MTMR1: variants seen among roughly 807,000 people sequenced by gnomAD.
MTMR1 encodes the protein myotubularin related protein 1.
A neutral mutation model predicts 51.6 loss-of-function variants in MTMR1; 17 were observed. The observed-to-expected ratio is 0.33, with a 90% CI of 0.23 to 0.49. The LOEUF (loss-of-function observed/expected upper bound fraction) is 0.49, where lower values mean the gene tolerates loss of function less well. Among genes scored for constraint, MTMR1 ranks in the 20% least tolerant of loss-of-function variants. The pLI, the probability that MTMR1 is intolerant of heterozygous loss-of-function variation, is 0.99. For missense variants in MTMR1, 386 were observed against 526.9 expected (o/e 0.73, Z 2.62); for synonymous variants, 201 against 205.6 (o/e 0.98, Z 0.19).
rs1170788477 is a variant in MTMR1, at chrX:150,698,676, G to GCACACACA, written c.147-518_147-517insACACACAC. On this transcript the variant is annotated intron_variant, in intron 1 of 15. Transcript: ENST00000445323. ...ACATGGCAAAACCCTGTCTACACGCGCGCGCACACACACACACACACACAC... is the reference window on the plus strand; with the variant it reads ...ACATGGCAAAACCCTGTCTACACGCGCACACACACGCGCACACACACACACACACACAC... Among the ~76,000 whole-genome samples, 287 of 53,041 alleles carry GCACACACA rather than the reference G, an allele frequency of 5.4e-3. 2 individuals carry two copies. Among genetic ancestry groups the GCACACACA allele is most frequent in the African/African-American group, 0.019 (246 of 13,087 alleles). The allele number at this position is 53,041 out of a possible 115,157, so 46.1% of individuals were successfully genotyped here. A position where few individuals can be genotyped will look rare whatever the true frequency, so the allele number is the denominator to read the frequency against.
chrX:150,736,310 C>T, intron 10 of MTMR1: 1 of 233,743 alleles, frequency 4.3e-6, no homozygotes, highest in Non-Finnish European at 7.7e-6. Flanking sequence ...CCTGGGGCAG[C>T]CAAGGAAGGA....
chrX:150,740,277 GC>G (rs782248194), intron 12 of MTMR1, among the ~76,000 whole-genome samples: 1 of 111,082 alleles, frequency 9.0e-6, no homozygotes, highest in Non-Finnish European at 1.9e-5. Context: ...CACAATGCCC[GC>G]CCCCCCACAA....
Position 150,707,052 on chromosome X carries a change from AAAAAC to A in MTMR1, c.253-5269_253-5265del, listed in dbSNP as rs200814584. Among the ~76,000 whole-genome samples the A allele has an allele frequency of 4.7e-3, 528 of 111,420 alleles. 4 individuals carry two copies. The highest frequency in any genetic ancestry group is 0.015 in the African/African-American group (458 of 30,626). On this transcript the variant is annotated intron_variant, in intron 2 of 15. Coordinates refer to ENST00000445323, the MANE Select transcript of MTMR1 (RefSeq NM_001306144.3). Reference sequence around the variant, plus strand: ...GGAGTAATTGGACATCTATAGACAAAAAAACAAAACAAAACAAAACAAAACCTTGA... The same window carrying A: ...GGAGTAATTGGACATCTATAGACAAAAAAACAAAACAAAACAAAACCTTGA...
chrX:150,758,876 G>T (rs1278230476), intron 15 of MTMR1, among the ~76,000 whole-genome samples: 1 of 111,375 alleles, frequency 9.0e-6, no homozygotes, highest in African/African-American at 3.3e-5. Flanking sequence ...GTTATTAATT[G>T]ATCTTTAAGT....
At chrX:150,745,072 A>G (rs1420520099) in intron 13 of MTMR1, among the ~76,000 whole-genome samples, 3 of 112,695 alleles carry the variant, frequency 2.7e-5, no homozygotes, top group Non-Finnish European at 5.6e-5. Flanking sequence ...CTTCAGTTCA[A>G]AGTAGGCCAT....
intron 2 of MTMR1, among the ~76,000 whole-genome samples, chrX:150,707,675 A>G (rs1557416101): frequency 2.7e-5 from 3 of 112,572 alleles, no homozygotes; most frequent in East Asian, 5.6e-4. Context: ...AGTTTCTTAA[A>G]AATGAAATGT....
chrX:150,725,756 A>C (rs2041902725), intron 4 of MTMR1, among the ~76,000 whole-genome samples: 1 of 111,647 alleles, frequency 9.0e-6, no homozygotes, highest in Non-Finnish European at 1.9e-5. Flanking sequence ...TTATCTTTTA[A>C]GGATAATGAT....
chrX:150,697,637 G>A (rs1460620355), intron 1 of MTMR1, among the ~76,000 whole-genome samples: 2 of 111,537 alleles, frequency 1.8e-5, no homozygotes, highest in East Asian at 2.8e-4. Flanking sequence ...GGTCAGGTGA[G>A]TACAGCCTGA....
intron 13 of MTMR1, 35 bp from the exon 14 acceptor site, chrX:150,750,695 T>C: frequency 2.1e-6 from 2 of 956,524 alleles, no homozygotes; most frequent in Non-Finnish European, 3.0e-6. Flanking sequence ...GAAATTGGAC[T>C]CTATGACTAA....
At chrX:150,714,406 T>C in intron 3 of MTMR1, 1 of 703,246 alleles carries the variant, frequency 1.4e-6, no homozygotes. Flanking sequence ...TTCTGTCCTT[T>C]CACCTGTCTG....
intron 3 of MTMR1, among the ~76,000 whole-genome samples, chrX:150,713,766 G>A (rs965083931): frequency 3.7e-4 from 41 of 111,795 alleles, no homozygotes; most frequent in African/African-American, 1.2e-3. Flanking sequence ...AAAGGGATTG[G>A]AAAAAATTAA....
intron 15 of MTMR1, among the ~76,000 whole-genome samples, chrX:150,759,462 G>GA (rs2043016187): frequency 9.2e-6 from 1 of 108,848 alleles, no homozygotes; most frequent in Non-Finnish European, 1.9e-5. Flanking sequence ...TGCCTGATCT[G>GA]GAGTGCCTTT....
intron 12 of MTMR1, among the ~76,000 whole-genome samples, chrX:150,740,665 A>G (rs1199401554): frequency 9.0e-6 from 1 of 111,720 alleles, no homozygotes; most frequent in Non-Finnish European, 1.9e-5. Flanking sequence ...TGTTTTTACA[A>G]TGGAATACCT....
intron 2 of MTMR1, 147 bp downstream of exon 2, chrX:150,699,447 C>T: frequency 2.7e-6 from 1 of 372,902 alleles, no homozygotes; most frequent in Non-Finnish European, 4.5e-6. Context: ...GTTGTTAGAT[C>T]TGAAATGTAG....
intron 15 of MTMR1, among the ~76,000 whole-genome samples, chrX:150,756,786 G>T (rs2042915591): frequency 8.9e-6 from 1 of 111,918 alleles, no homozygotes; most frequent in Non-Finnish European, 1.9e-5. Context: ...AAGTAGCTGG[G>T]ATTACAGGTG....
chrX:150,759,220 G>C (rs2043002592), intron 15 of MTMR1, among the ~76,000 whole-genome samples: 1 of 112,488 alleles, frequency 8.9e-6, no homozygotes, highest in South Asian at 3.6e-4. Context: ...CCCCCTTCCA[G>C]CACCTTCCTC....
At chrX:150,701,239 C>G (rs1557415921) in intron 2 of MTMR1, among the ~76,000 whole-genome samples, 4 of 110,162 alleles carry the variant, frequency 3.6e-5, no homozygotes, top group Non-Finnish European at 1.9e-5. Context: ...TAAAATATTT[C>G]TAAACCACAA....
chrX:150,720,560 C>T (rs944410815), intron 4 of MTMR1, among the ~76,000 whole-genome samples: 4 of 111,685 alleles, frequency 3.6e-5, no homozygotes, highest in Non-Finnish European at 5.7e-5. Flanking sequence ...TTCTACTGTT[C>T]GGCTGTTACA....
At chrX:150,709,729 G>A (rs1201181097) in intron 2 of MTMR1, among the ~76,000 whole-genome samples, 4 of 111,194 alleles carry the variant, frequency 3.6e-5, no homozygotes, top group East Asian at 2.8e-4. Flanking sequence ...GCAGCGGGAG[G>A]TGCCATACCC....
Sources: gnomAD v4.1 joint callset for allele counts (sites outside exome capture counted in the v4.1 genomes callset) on GRCh38, gnomAD v4.1.1 for gene constraint, MANE v1.5 for transcripts, NCBI Gene and HGNC (gene_info 2026-07-23, HGNC 2026-07-21) for gene names.